Variants in TRAK1 observed in about 807,000 individuals in gnomAD.
The protein encoded by TRAK1 is trafficking kinesin protein 1, also known as trafficking kinesin-binding protein 1.
A neutral mutation model predicts 92.1 loss-of-function variants in TRAK1; 33 were observed. That is an observed-to-expected ratio of 0.36 (90% CI 0.27 to 0.48). TRAK1 has a LOEUF of 0.48. Ranked by LOEUF, TRAK1 falls within the 20% of genes least tolerant of loss-of-function variation. The pLI, the probability that TRAK1 is intolerant of heterozygous loss-of-function variation, is 0.99. For synonymous variants in TRAK1, 521 were observed against 517.3 expected, an observed-to-expected ratio of 1.01 and a Z score of -0.10; for missense variants, 1,123 against 1,257.9, an observed-to-expected ratio of 0.89 and a Z score of 1.62.
chr3:42,033,881 A>G (rs1012537091), intron 1 of TRAK1, among the ~76,000 whole-genome samples: 2 of 152,002 alleles, frequency 1.3e-5, no homozygotes, highest in African/African-American at 4.8e-5. Flanking sequence ...TTGGCTCAAG[A>G]TCATCTTCCC....
At chr3:42,220,368 C>T in intron 15 of TRAK1, 2 of 569,488 alleles carry the variant, frequency 3.5e-6, no homozygotes, top group Non-Finnish European at 4.4e-6. Context: ...AATGCTCTCC[C>T]CTAACAGAGT....
At chr3:42,085,394 C>T (rs1358870518), upstream of TRAK1, among the ~76,000 whole-genome samples, 1 of 152,160 alleles carries the variant, frequency 6.6e-6, no homozygotes, top group Non-Finnish European at 1.5e-5. Flanking sequence ...GCCTCAAACT[C>T]CTGACCTCAA....
At chr3:42,063,550 G>T (rs1259192645) in intron 1 of TRAK1, among the ~76,000 whole-genome samples, 2 of 152,144 alleles carry the variant, frequency 1.3e-5, no homozygotes, top group Non-Finnish European at 2.9e-5. Flanking sequence ...GCCAGGCCTG[G>T]TGGGACACGC....
intron 13 of TRAK1, among the ~76,000 whole-genome samples, chr3:42,207,117 C>A (rs367681787): frequency 6.6e-6 from 1 of 152,130 alleles, no homozygotes; most frequent in Non-Finnish European, 1.5e-5. Context: ...GTAGAGGTGA[C>A]GTGGCCATAT....
At chr3:42,171,330 G>A (rs1576772073) in intron 2 of TRAK1, among the ~76,000 whole-genome samples, 2 of 152,278 alleles carry the variant, frequency 1.3e-5, no homozygotes, top group Admixed American at 1.3e-4. Flanking sequence ...TTCTAACAAC[G>A]TTATGAGAAT....
intron 2 of TRAK1, chr3:42,149,208 C>T: frequency 9.0e-7 from 1 of 1,113,508 alleles, no homozygotes; most frequent in Non-Finnish European, 1.1e-6. Flanking sequence ...CTCTAGGCGT[C>T]TGGATAGGAC....
chr3:42,093,221 C>G (rs1405060710), intron 1 of TRAK1, among the ~76,000 whole-genome samples: 1 of 150,594 alleles, frequency 6.6e-6, no homozygotes, highest in Non-Finnish European at 1.5e-5. Flanking sequence ...TTTTTTTCTC[C>G]TTCTCTTAGT....
At chr3:42,020,402 T>C (rs1701681478) in intron 1 of TRAK1, among the ~76,000 whole-genome samples, 1 of 152,250 alleles carries the variant, frequency 6.6e-6, no homozygotes, top group Admixed American at 6.5e-5. Context: ...TTGAGTCATA[T>C]AGTGTGTACT....
At chr3:42,077,807 A>C (rs1175487748) in intron 1 of TRAK1, among the ~76,000 whole-genome samples, 2 of 152,230 alleles carry the variant, frequency 1.3e-5, no homozygotes, top group Non-Finnish European at 2.9e-5. Context: ...TTGTGTCCTG[A>C]AACTTTACTG....
At chr3:42,219,786 GTTTTTTT>G (rs397989334) in intron 15 of TRAK1, among the ~76,000 whole-genome samples, 190 bp downstream of exon 15, 1 of 63,498 alleles carries the variant, frequency 1.6e-5, no homozygotes, top group South Asian at 8.7e-4. Flanking sequence ...GTTGTTATGT[GTTTTTTT>G]TTTTTTTTTT....
intron 1 of TRAK1, among the ~76,000 whole-genome samples, chr3:42,122,357 TC>T (rs1232562165): frequency 9.2e-5 from 14 of 152,034 alleles, no homozygotes; most frequent in African/African-American, 3.4e-4. Flanking sequence ...TTTTTTTTTT[TC>T]TGGAGTCTGT....
At chr3:42,192,007 T>C (rs938764312) in intron 7 of TRAK1, among the ~76,000 whole-genome samples, 2 of 143,624 alleles carry the variant, frequency 1.4e-5, no homozygotes, top group Non-Finnish European at 3.0e-5. Context: ...GTTCAAGTGA[T>C]TCTGCCAGCT....
chr3:42,210,274 A>G, intron 14 of TRAK1: 1 of 1,520,242 alleles, frequency 6.6e-7, no homozygotes, highest in Non-Finnish European at 8.8e-7. Flanking sequence ...AAGCATTCTC[A>G]TTGCACAGTT....
At chr3:42,178,134 G>A (rs542785375) in intron 3 of TRAK1, among the ~76,000 whole-genome samples, 3 of 152,224 alleles carry the variant, frequency 2.0e-5, no homozygotes, top group Middle Eastern at 3.4e-3. Context: ...TCATCACCCC[G>A]TTCGGGTCAT....
At chr3:42,121,506 G>A (rs781603599) in intron 1 of TRAK1, among the ~76,000 whole-genome samples, 1 of 151,930 alleles carries the variant, frequency 6.6e-6, no homozygotes, top group East Asian at 1.9e-4. Context: ...TGATCCGCCC[G>A]CCTTGGCCTC....
intron 1 of TRAK1, among the ~76,000 whole-genome samples, chr3:42,017,320 C>T (rs934093173): frequency 6.6e-6 from 1 of 152,130 alleles, no homozygotes; most frequent in Non-Finnish European, 1.5e-5. Context: ...CTATATTTGG[C>T]ATGCACTGTG....
At chr3:42,085,301 G>A (rs6599199), upstream of TRAK1, among the ~76,000 whole-genome samples, 3,128 of 152,234 alleles carry the variant, frequency 0.021, 120 homozygotes, top group African/African-American at 0.072. Context: ...CTGAGTGGCT[G>A]GGTTTACAGG....
intron 14 of TRAK1, 132 bp from the exon 15 acceptor site, chr3:42,219,362 A>G: frequency 6.4e-7 from 1 of 1,561,306 alleles, no homozygotes. Flanking sequence ...TTTGCGTTTC[A>G]CCTTCCTCGC....
At chr3:42,180,677 C>CA (rs33959095) in intron 3 of TRAK1, among the ~76,000 whole-genome samples, 33,355 of 86,422 alleles carry the variant, frequency 0.39, 5,030 homozygotes, top group East Asian at 0.52. Context: ...AGACCTGTCT[C>CA]AAAAAAAAAA....
Sources: gnomAD v4.1 joint callset for allele counts (sites outside exome capture counted in the v4.1 genomes callset) on GRCh38, gnomAD v4.1.1 for gene constraint, MANE v1.5 for transcripts, NCBI Gene and HGNC (gene_info 2026-07-23, HGNC 2026-07-21) for gene names.